The following TP63 variants were observed in gnomAD, a reference collection of about 807,000 sequenced individuals.
The protein encoded by TP63 is tumor protein 63.
TP63 carries 17 observed loss-of-function variants against 82.8 expected under a neutral mutation model. The observed-to-expected ratio is 0.21, with a 90% confidence interval of 0.14 to 0.31. The LOEUF is 0.31. Among genes scored for constraint, TP63 ranks in the 10% least tolerant of loss-of-function variants. The pLI is 1.00. For synonymous variants in TP63, 330 were observed against 321.7 expected, an observed-to-expected ratio of 1.03 and a Z score of -0.28; for missense variants, 648 against 895.3, an observed-to-expected ratio of 0.72 and a Z score of 3.52.
intron 4 of TP63, among the ~76,000 whole-genome samples, chr3:189,838,518 A>G (rs1021886746): frequency 9.9e-5 from 15 of 152,196 alleles, no homozygotes; most frequent in African/African-American, 3.4e-4. Context: ...AAGTAACATG[A>G]TGACAAGCTT....
chr3:189,834,441 A>T (rs1003748471), intron 4 of TP63, among the ~76,000 whole-genome samples: 2 of 152,180 alleles, frequency 1.3e-5, no homozygotes, highest in African/African-American at 4.8e-5. Flanking sequence ...AATAAGGTGG[A>T]AAAAGTGGGC....
In TP63 at chr3:189,704,882, A is replaced by C. The variant is rs553658642; in HGVS notation, c.63-32858A>C. 2.0e-5 allele frequency among the ~76,000 whole-genome samples: 3 copies of C among 152,350 alleles called. No individual in the cohort carries two copies. In the South Asian group the frequency reaches 6.2e-4, roughly 32 times the overall value. On this transcript the variant is annotated intron_variant, in intron 1 of 13. Transcript: ENST00000264731. The stretch of plus-strand genomic sequence containing the variant: ...TAGGCTAAAATCTCTCATCCATGAA[A>C]ATTTTCTAAATTCCTGTAAATCCAG...
the TP63 span, among the ~76,000 whole-genome samples, chr3:189,617,127 C>G: frequency 6.6e-6 from 1 of 152,182 alleles, no homozygotes; most frequent in Non-Finnish European, 1.5e-5. Context: ...TGGGGATTAT[C>G]CCCCACCCTC....
At chr3:189,885,478 G>A (rs778977849) in intron 10 of TP63, among the ~76,000 whole-genome samples, 6 of 152,288 alleles carry the variant, frequency 3.9e-5, no homozygotes, top group Non-Finnish European at 7.4e-5. Flanking sequence ...TAAGTAGCTC[G>A]CATGGGCATC....
At chr3:189,687,376 C>T (rs1716532744) in intron 1 of TP63, among the ~76,000 whole-genome samples, 1 of 152,164 alleles carries the variant, frequency 6.6e-6, no homozygotes, top group African/African-American at 2.4e-5. Flanking sequence ...TGGAAAAACA[C>T]TTGCCTAGTT....
chr3:189,710,260 T>C (rs2108753306), intron 1 of TP63, among the ~76,000 whole-genome samples: 1 of 152,214 alleles, frequency 6.6e-6, no homozygotes, highest in Middle Eastern at 3.4e-3. Context: ...ACCTCCCTGT[T>C]GTAGAGGAGA....
chr3:189,681,170 T>C (rs772848011), intron 1 of TP63, among the ~76,000 whole-genome samples: 2 of 152,062 alleles, frequency 1.3e-5, no homozygotes, highest in Non-Finnish European at 2.9e-5. Context: ...CAGCTCCTGG[T>C]AATATATTTT....
At chr3:189,857,865 C>T (rs981532748) in intron 4 of TP63, among the ~76,000 whole-genome samples, 1 of 152,108 alleles carries the variant, frequency 6.6e-6, no homozygotes, top group Non-Finnish European at 1.5e-5. Flanking sequence ...AGAAGAGAAC[C>T]TTTACATACT....
At chr3:189,882,833 G>A (rs1045186496) in intron 10 of TP63, among the ~76,000 whole-genome samples, 3 of 152,146 alleles carry the variant, frequency 2.0e-5, no homozygotes, top group African/African-American at 7.2e-5. Context: ...TTCGGAAACT[G>A]TGCAGAAGCT....
At chr3:189,858,956 G>A (rs1716657306) in intron 4 of TP63, among the ~76,000 whole-genome samples, 2 of 152,134 alleles carry the variant, frequency 1.3e-5, no homozygotes, top group African/African-American at 4.8e-5. Flanking sequence ...GTTACCAGAG[G>A]CTGAGAAGGG....
At chr3:189,822,073 A>T (rs1432951631) in intron 4 of TP63, among the ~76,000 whole-genome samples, 1 of 152,140 alleles carries the variant, frequency 6.6e-6, no homozygotes, top group Non-Finnish European at 1.5e-5. Context: ...TGTTGGGCTA[A>T]ACACTGTCTC....
chr3:189,739,554 A>C (rs530966770), intron 3 of TP63, among the ~76,000 whole-genome samples: 1 of 152,340 alleles, frequency 6.6e-6, no homozygotes, highest in Non-Finnish European at 1.5e-5. Context: ...ACCTGGTAAC[A>C]GAATAAGAGG....
In TP63 at chr3:189,875,593, CATATATATAT is replaced by C. The variant is rs774764336; in HGVS notation, c.1349+2634_1349+2643del. 7.4e-4 allele frequency among the ~76,000 whole-genome samples: 30 copies of C among 40,762 alleles called. 1 individual carries two copies. Among genetic ancestry groups the C allele is most frequent in the South Asian group, 3.5e-3 (2 of 578 alleles). The allele number at this position is 40,762 out of a possible 152,430, so 26.7% of individuals were successfully genotyped here. On this transcript the variant is annotated intron_variant, in intron 10 of 13. Coordinates refer to ENST00000264731, the MANE Select transcript of TP63 (RefSeq NM_003722.5). ...AAAGAAAAAGAAAAAAAAATACATA[CATATATATAT>C]ATATATATATATATATATATATATA...
At chr3:189,765,433 C>CTTTTTTTGTTTTTTTTTTT (rs1722873151) in intron 3 of TP63, among the ~76,000 whole-genome samples, 2 of 30,086 alleles carry the variant, frequency 6.6e-5, no homozygotes, top group Admixed American at 5.6e-4. Context: ...CTGTCCTCTG[C>CTTTTTTTGTTTTTTTTTTT]TTTTTTTTTT....
At chr3:189,770,932 T>G (rs898979281) in intron 3 of TP63, among the ~76,000 whole-genome samples, 2 of 152,080 alleles carry the variant, frequency 1.3e-5, no homozygotes, top group Non-Finnish European at 2.9e-5. Context: ...TATCTTATGT[T>G]TGAGTAATGC....
intron 1 of TP63, among the ~76,000 whole-genome samples, chr3:189,703,294 C>T (rs538241855): frequency 1.3e-4 from 20 of 152,222 alleles, no homozygotes; most frequent in Middle Eastern, 3.4e-3. Flanking sequence ...ATTAGCTGGT[C>T]GTGGGGGCAT....
At chr3:189,711,640 G>A (rs1263954723) in intron 1 of TP63, among the ~76,000 whole-genome samples, 1 of 152,144 alleles carries the variant, frequency 6.6e-6, no homozygotes, top group Non-Finnish European at 1.5e-5. Flanking sequence ...GCAAACAAAC[G>A]GGTAGAGAAC....
At chr3:189,745,428 G>T (rs990707829) in intron 3 of TP63, among the ~76,000 whole-genome samples, 6 of 152,098 alleles carry the variant, frequency 3.9e-5, no homozygotes, top group Admixed American at 1.3e-4. Context: ...AACCAAACAG[G>T]CTGGGCATGG....
chr3:189,880,750 C>T (rs1261684594), intron 10 of TP63: 1 of 985,252 alleles, frequency 1.0e-6, no homozygotes, highest in East Asian at 1.1e-4. Context: ...GCGAGGTGAT[C>T]ATTACCAAAA....
Sources: allele counts gnomAD v4.1 joint callset (sites outside exome capture counted in the v4.1 genomes callset), GRCh38; gene constraint gnomAD v4.1.1; transcripts MANE v1.5; gene names NCBI Gene and HGNC (gene_info 2026-07-23, HGNC 2026-07-21).